MYT1L: variants seen among roughly 807,000 people sequenced by gnomAD.
The protein encoded by MYT1L is myelin transcription factor 1-like protein.
In MYT1L, 12 loss-of-function variants were observed where a neutral mutation model predicts 126.7. The ratio of observed to expected loss-of-function variants is 0.09; its 90% CI spans 0.06 to 0.15. The LOEUF (loss-of-function observed/expected upper bound fraction) is 0.15, where lower values mean the gene tolerates loss of function less well. Ranked by LOEUF, MYT1L falls within the 10% of genes least tolerant of loss-of-function variation. The pLI is 1.00. For synonymous variants in MYT1L, 541 were observed against 604.2 expected, an observed-to-expected ratio of 0.90 and a Z score of 1.53; for missense variants, 979 against 1,585.2, an observed-to-expected ratio of 0.62 and a Z score of 6.49.
intron 23 of MYT1L, among the ~76,000 whole-genome samples, chr2:1,797,195 G>C (rs1172770866): frequency 1.3e-5 from 2 of 152,164 alleles, no homozygotes; most frequent in African/African-American, 2.4e-5. Context: ...CGTTCTGCTG[G>C]TGCTGGGCCA....
intron 2 of MYT1L, among the ~76,000 whole-genome samples, chr2:2,253,065 A>T (rs1359284130): frequency 6.6e-6 from 1 of 152,176 alleles, no homozygotes; most frequent in Non-Finnish European, 1.5e-5. Context: ...TTTTAGAGTC[A>T]ATCAAAGAGA....
At chr2:1,799,763 C>T (rs914217091) in intron 23 of MYT1L, among the ~76,000 whole-genome samples, 1 of 152,196 alleles carries the variant, frequency 6.6e-6, no homozygotes, top group Admixed American at 6.5e-5. Context: ...AATCTCACCT[C>T]GAATTATAAT....
chr2:2,108,326 G>A (rs1285524399), intron 3 of MYT1L, among the ~76,000 whole-genome samples: 2 of 152,164 alleles, frequency 1.3e-5, no homozygotes, highest in African/African-American at 2.4e-5. Context: ...TCTTAGGAAT[G>A]GACTCAGCAG....
rs771828273 is a variant in MYT1L at position 1,806,918 on chromosome 2, G to A, written c.3172+2158C>T. Among the ~76,000 whole-genome samples, 5 of 152,232 alleles carry A rather than the reference G, an allele frequency of 3.3e-5. No individual in the cohort carries two copies. In the South Asian group the frequency reaches 6.2e-4, roughly 19 times the overall value. ...ATGCCCTCTAAGTATTTTGAAAAGC[G>A]CCCGGCATGCAGATGGGGCTTAGGG... On this transcript the variant is annotated intron_variant, in intron 22 of 24. Transcript: ENST00000647738. The surrounding 1 kb of genome is among the most constrained non-coding windows in gnomAD (Gnocchi z 4.9).
chr2:2,058,540 T>G (rs537077951), intron 3 of MYT1L, among the ~76,000 whole-genome samples: 39 of 152,390 alleles, frequency 2.6e-4, no homozygotes, highest in African/African-American at 8.9e-4. Flanking sequence ...GTAGACACTT[T>G]GCTATCTAAC....
chr2:1,836,876 A>G (rs577221704), intron 21 of MYT1L, among the ~76,000 whole-genome samples: 2 of 152,216 alleles, frequency 1.3e-5, no homozygotes, highest in African/African-American at 2.4e-5. Context: ...GCATTTCAAT[A>G]TACTCTCCAC....
At chr2:1,876,060 G>A (rs2046863584) in intron 18 of MYT1L, among the ~76,000 whole-genome samples, 1 of 152,212 alleles carries the variant, frequency 6.6e-6, no homozygotes, top group African/African-American at 2.4e-5. Context: ...GTGAGGTTGA[G>A]GGCTGCAGTG....
chr2:1,979,719 A>G lies in MYT1L; in HGVS notation c.55+4T>C, dbSNP rs779227893. On this transcript the variant is annotated splice_donor_region_variant and intron_variant, in intron 6 of 24. Coordinates refer to ENST00000647738, the MANE Select transcript of MYT1L (RefSeq NM_001303052.2). This position sits in a 1 kb window ranked among gnomAD's most constrained non-coding sequence, Gnocchi z 4.0. ...CCTCAGGATGCAGGGAAGCGCGGACATACCTCGAACCCCTTTGGACCGCGT... is the reference window on the plus strand; with the variant it reads ...CCTCAGGATGCAGGGAAGCGCGGACGTACCTCGAACCCCTTTGGACCGCGT... 16 of 1,613,904 alleles carry G rather than the reference A, an allele frequency of 9.9e-6. No homozygotes were observed. The highest frequency in any genetic ancestry group is 1.4e-5 in the Non-Finnish European group (16 of 1,179,912).
intron 3 of MYT1L, among the ~76,000 whole-genome samples, chr2:2,082,337 C>T (rs556387500): frequency 6.6e-6 from 1 of 152,272 alleles, no homozygotes; most frequent in African/African-American, 2.4e-5. Context: ...TTATGGAGAA[C>T]TTTAGTACCA....
intron 8 of MYT1L, among the ~76,000 whole-genome samples, chr2:1,956,188 G>GCTGTCTGTCTGT (rs762129997): frequency 0.014 from 914 of 65,018 alleles, 4 homozygotes; most frequent in Non-Finnish European, 0.022. Flanking sequence ...CATTTACCTA[G>GCTGTCTGTCTGT]CTGTCTATCT....
chr2:2,025,497 A>G (rs960684727), intron 4 of MYT1L, among the ~76,000 whole-genome samples: 3 of 152,252 alleles, frequency 2.0e-5, no homozygotes, highest in Non-Finnish European at 4.4e-5. Flanking sequence ...AGAAACATAC[A>G]GAGTGATTTT....
chr2:1,961,352 G>A (rs1286692190), intron 8 of MYT1L, among the ~76,000 whole-genome samples: 2 of 152,162 alleles, frequency 1.3e-5, no homozygotes, highest in Non-Finnish European at 2.9e-5. Context: ...TGACTTGGAA[G>A]TCCAGCCCAC....
At chr2:1,795,059 A>G (rs1160999732) in intron 23 of MYT1L, among the ~76,000 whole-genome samples, 2 of 152,130 alleles carry the variant, frequency 1.3e-5, no homozygotes, top group Admixed American at 6.5e-5. Flanking sequence ...TCTCCAGCCC[A>G]CACACGAAGG....
At chr2:2,147,757 C>T (rs939745144) in intron 3 of MYT1L, among the ~76,000 whole-genome samples, 2 of 152,186 alleles carry the variant, frequency 1.3e-5, no homozygotes, top group African/African-American at 2.4e-5. Flanking sequence ...AGGGTGTCTG[C>T]GTCCCAGACG....
chr2:1,967,688 G>A (rs1475298634), intron 8 of MYT1L, among the ~76,000 whole-genome samples: 2 of 152,214 alleles, frequency 1.3e-5, no homozygotes, highest in East Asian at 3.9e-4. Context: ...ACTGGAGCTG[G>A]AGGAAGAAAA....
At chr2:2,251,944 A>AAAG (rs138373872) in intron 2 of MYT1L, among the ~76,000 whole-genome samples, 2,403 of 152,174 alleles carry the variant, frequency 0.016, 58 homozygotes, top group African/African-American at 0.055. Flanking sequence ...AGAAAAGAAA[A>AAAG]AAAGGGAACG....
chr2:1,847,546 AAGG>A (rs1475123868), intron 19 of MYT1L, among the ~76,000 whole-genome samples: 1 of 152,154 alleles, frequency 6.6e-6, no homozygotes, highest in African/African-American at 2.4e-5. Context: ...ACTACAGGTG[AAGG>A]AGAAGGCCTG....
intron 3 of MYT1L, among the ~76,000 whole-genome samples, chr2:2,054,664 G>A (rs1373539982): frequency 2.0e-5 from 3 of 151,872 alleles, no homozygotes; most frequent in Non-Finnish European, 2.9e-5. Context: ...CGGAGATGAG[G>A]TGCATGGAGG....
chr2:2,155,125 CTCAA>C (rs150086146), intron 3 of MYT1L, among the ~76,000 whole-genome samples: 395 of 152,134 alleles, frequency 2.6e-3, no homozygotes, highest in South Asian at 5.8e-3. Flanking sequence ...GAAACTCCAT[CTCAA>C]TCAATCAATC....
Sources: allele counts gnomAD v4.1 joint callset (sites outside exome capture counted in the v4.1 genomes callset), GRCh38; gene constraint gnomAD v4.1.1; non-coding constraint Gnocchi (gnomAD v3.1); transcripts MANE v1.5; gene names NCBI Gene and HGNC (gene_info 2026-07-23, HGNC 2026-07-21).